OTUD7B: variants seen among roughly 807,000 people sequenced by gnomAD.
The protein encoded by OTUD7B is OTU domain-containing protein 7B.
A neutral mutation model predicts 82.2 loss-of-function variants in OTUD7B; 34 were observed. The ratio of observed to expected loss-of-function variants is 0.41; its 90% CI spans 0.31 to 0.55. OTUD7B has a LOEUF of 0.55. Ranked by LOEUF, OTUD7B falls within the 20% of genes least tolerant of loss-of-function variation. The pLI, the probability that OTUD7B is intolerant of heterozygous loss-of-function variation, is 0.20. For missense variants in OTUD7B, 944 were observed against 1,062.1 expected, an observed-to-expected ratio of 0.89 and a Z score of 1.55; for synonymous variants, 398 against 402.7, an observed-to-expected ratio of 0.99 and a Z score of 0.14.
At chr1:149,995,605 A>AAC (rs373908633) in intron 1 of OTUD7B, among the ~76,000 whole-genome samples, 2 of 151,052 alleles carry the variant, frequency 1.3e-5, no homozygotes, top group Admixed American at 1.3e-4. Context: ...ACAAAAAAAA[A>AAC]CACTGGCAAC....
At chr1:149,983,904 A>G (rs1650958505) in intron 1 of OTUD7B, among the ~76,000 whole-genome samples, 1 of 152,204 alleles carries the variant, frequency 6.6e-6, no homozygotes, top group Admixed American at 6.5e-5. Flanking sequence ...AGGGAAATGG[A>G]TAGATTCCAC....
At chr1:150,037,542 T>C in the OTUD7B span, among the ~76,000 whole-genome samples, 183 of 152,320 alleles carry the variant, frequency 1.2e-3, no homozygotes, top group African/African-American at 4.2e-3. Context: ...AAGACTGGTA[T>C]AATCTGGACA....
chr1:150,007,511 C>T (rs587632220), intron 1 of OTUD7B, among the ~76,000 whole-genome samples: 248 of 152,286 alleles, frequency 1.6e-3, no homozygotes, highest in African/African-American at 5.7e-3. Context: ...TGTTAAAGCT[C>T]ATAATAGTCT....
intron 11 of OTUD7B, among the ~76,000 whole-genome samples, chr1:149,945,351 A>T (rs1441370519): frequency 6.6e-6 from 1 of 152,156 alleles, no homozygotes; most frequent in South Asian, 2.1e-4. Flanking sequence ...CCCCACTGCA[A>T]TCTGACTCCC....
the OTUD7B span, chr1:150,054,981 C>A: frequency 3.1e-6 from 1 of 325,850 alleles, no homozygotes; most frequent in East Asian, 8.8e-5. Context: ...AGGGCTACCT[C>A]TGATCTGTGT....
rs1421090981 is a variant in OTUD7B at position 149,944,910 on chromosome 1, C to T, written c.1479G>A (p.Glu493=). 1.9e-6 allele frequency: 3 copies of T among 1,614,086 alleles called. No homozygotes were observed. The highest frequency in any genetic ancestry group is 2.7e-5 in the African/African-American group (2 of 74,930). ...RRKEKSKRDR[E]KDKKRADSVA... The stretch of plus-strand genomic sequence containing the variant: ...CAGAATCTGCTCTCTTCTTGTCCTT[C>T]TCCCGATCTCGCTTTGACTTCTCCT... Residue 493 remains glutamate (E), a synonymous_variant, in exon 12 of 12, where the codon GAG becomes GAA. Transcript: ENST00000581312.
At chr1:150,005,108 C>T (rs144978957) in intron 1 of OTUD7B, among the ~76,000 whole-genome samples, 29 of 152,262 alleles carry the variant, frequency 1.9e-4, no homozygotes, top group African/African-American at 4.1e-4. Flanking sequence ...CAAATACCTA[C>T]GGTATGAGGT....
chr1:150,005,883 A>C (rs1652629545), intron 1 of OTUD7B, among the ~76,000 whole-genome samples: 1 of 152,222 alleles, frequency 6.6e-6, no homozygotes, highest in African/African-American at 2.4e-5. Flanking sequence ...CCTGCCAGTC[A>C]TTCTCAGACA....
At chr1:150,056,364 G>A in the OTUD7B span, among the ~76,000 whole-genome samples, 1 of 152,074 alleles carries the variant, frequency 6.6e-6, no homozygotes, top group Non-Finnish European at 1.5e-5. Flanking sequence ...TTCATCTCAT[G>A]AATTGCAATA....
In OTUD7B at chr1:149,977,507, T is replaced by C; in HGVS notation, c.4A>G (p.Thr2Ala). The stretch of plus-strand genomic sequence containing the variant: ...GACAGAACAGCATCCATGTCCAGGG[T>C]CATGTGATCCTCAAGTACTTTCAGC... MTLDMDAVLSDF... is the reference protein window; with the variant it reads MALDMDAVLSDF... The change falls in exon 2 of 12, where the codon ACC (threonine) becomes GCC (alanine). Residue 2 changes from threonine to alanine, a missense_variant. By Grantham distance (58) the Thr-to-Ala change is moderately conservative. This residue lies in a region of OTUD7B where 530 missense variants were observed against 625.6 expected (regional missense o/e 0.85). Transcript: ENST00000581312. 1 of 1,613,758 alleles carries C rather than the reference T, an allele frequency of 6.2e-7. No individual in the cohort carries two copies. Among genetic ancestry groups the C allele is most frequent in the Non-Finnish European group, 8.5e-7 (1 of 1,179,696 alleles).
chr1:149,985,462 G>A (rs1391358111), intron 1 of OTUD7B, among the ~76,000 whole-genome samples: 2 of 152,108 alleles, frequency 1.3e-5, no homozygotes, highest in South Asian at 2.1e-4. Context: ...GCTGGCTCAC[G>A]CCTGGTGGCT....
the OTUD7B span, among the ~76,000 whole-genome samples, chr1:150,064,355 C>CTCTCTTCTCT: frequency 2.0e-5 from 3 of 151,736 alleles, no homozygotes; most frequent in African/African-American, 7.3e-5. Flanking sequence ...TTCTTCTTTT[C>CTCTCTTCTCT]TCTCTTCTCT....
At chr1:150,026,002 C>T in the OTUD7B span, among the ~76,000 whole-genome samples, 19 of 152,258 alleles carry the variant, frequency 1.2e-4, no homozygotes, top group Non-Finnish European at 2.2e-4. Context: ...GGGCACTTGG[C>T]GAACAGGACA....
intron 1 of OTUD7B, among the ~76,000 whole-genome samples, chr1:149,981,309 T>C (rs1553779594): frequency 6.6e-6 from 1 of 152,194 alleles, no homozygotes; most frequent in East Asian, 1.9e-4. Flanking sequence ...ATTACATCTC[T>C]GACAAATCAC....
intron 1 of OTUD7B, among the ~76,000 whole-genome samples, chr1:149,994,293 C>G (rs1651780689): frequency 6.6e-6 from 1 of 152,068 alleles, no homozygotes; most frequent in Non-Finnish European, 1.5e-5. Context: ...ACATCAAAAA[C>G]AAAACCCAGC....
intron 1 of OTUD7B, among the ~76,000 whole-genome samples, chr1:150,003,409 G>T (rs78157132): frequency 6.6e-6 from 1 of 152,064 alleles, no homozygotes; most frequent in African/African-American, 2.4e-5. Flanking sequence ...TATTTTCTCA[G>T]ACTGGAATGT....
the OTUD7B span, among the ~76,000 whole-genome samples, chr1:150,055,273 C>T: frequency 1.3e-5 from 2 of 152,036 alleles, no homozygotes; most frequent in African/African-American, 2.4e-5. Flanking sequence ...CTCCTGACCT[C>T]GTGATCCACC....
At chr1:150,048,249 A>C in the OTUD7B span, among the ~76,000 whole-genome samples, 1 of 152,198 alleles carries the variant, frequency 6.6e-6, no homozygotes, top group Non-Finnish European at 1.5e-5. Flanking sequence ...CCACTTTCGG[A>C]AATGCTTTAA....
At chr1:150,042,470 C>T in the OTUD7B span, among the ~76,000 whole-genome samples, 1 of 151,760 alleles carries the variant, frequency 6.6e-6, no homozygotes, top group Non-Finnish European at 1.5e-5. Flanking sequence ...CACCGCAACC[C>T]GCCCCAAGAG....
Sources: allele counts gnomAD v4.1 joint callset (sites outside exome capture counted in the v4.1 genomes callset), GRCh38; gene constraint gnomAD v4.1.1; regional missense constraint gnomAD v4.1.1; transcripts MANE v1.5; gene names NCBI Gene and HGNC (gene_info 2026-07-23, HGNC 2026-07-21).